The following EEPD1 variants were observed in gnomAD, a reference collection of about 807,000 sequenced individuals.
The protein encoded by EEPD1 is endonuclease/exonuclease/phosphatase family domain containing 1.
Under a neutral mutation model 46.3 loss-of-function variants are expected in EEPD1, and 17 were observed. The ratio of observed to expected loss-of-function variants is 0.37; its 90% confidence interval spans 0.25 to 0.55. The LOEUF is 0.55. Among genes scored for constraint, EEPD1 ranks in the 20% least tolerant of loss-of-function variants. The pLI, the probability that EEPD1 is intolerant of heterozygous loss-of-function variation, is 0.83. For missense variants in EEPD1, 673 were observed against 745.6 expected (o/e 0.90, Z 1.13); for synonymous variants, 313 against 315.6 (o/e 0.99, Z 0.09).
intron 6 of EEPD1, 76 bp downstream of exon 6, chr7:36,287,853 G>A: frequency 1.3e-6 from 2 of 1,557,180 alleles, no homozygotes; most frequent in Non-Finnish European, 1.7e-6. Flanking sequence ...AGCCATCTCT[G>A]ACCACTTGGG....
rs180811132 is a variant in EEPD1 at position 36,193,831 on chromosome 7, C to T, written c.878+38629C>T. ...GCCCTCTCTTTATGGCTGCCACCTC[C>T]CTCTGGGAGGGCCTGGGGGACCCTG... On this transcript the variant is annotated intron_variant, in intron 2 of 7. Coordinates refer to ENST00000242108, the MANE Select transcript of EEPD1 (RefSeq NM_030636.3). The surrounding 1 kb of genome is among the most constrained non-coding windows in gnomAD (Gnocchi z 4.9). Among the ~76,000 whole-genome samples the T allele has an allele frequency of 5.9e-4, 90 of 152,246 alleles. 1 individual carries two copies. In the East Asian group the frequency reaches 0.013, roughly 22 times the overall value.
intron 6 of EEPD1, among the ~76,000 whole-genome samples, chr7:36,295,476 A>C (rs1445465740): frequency 1.3e-5 from 2 of 152,228 alleles, no homozygotes; most frequent in African/African-American, 4.8e-5. Context: ...GAAGAGATCC[A>C]TCCCTTGTGC....
chr7:36,297,445 T>TC (rs1787546019), intron 7 of EEPD1, among the ~76,000 whole-genome samples: 1 of 152,168 alleles, frequency 6.6e-6, no homozygotes. Context: ...CAAATATACC[T>TC]CCTGCTGCTT....
At chr7:36,295,400 A>G (rs1787507560) in intron 6 of EEPD1, among the ~76,000 whole-genome samples, 1 of 152,180 alleles carries the variant, frequency 6.6e-6, no homozygotes, top group African/African-American at 2.4e-5. Flanking sequence ...CCTGACTTAT[A>G]CCTCATAAGT....
intron 2 of EEPD1, among the ~76,000 whole-genome samples, chr7:36,188,021 C>T (rs547537842): frequency 4.3e-5 from 6 of 139,616 alleles, no homozygotes; most frequent in African/African-American, 2.0e-4. Context: ...TGGTCTTGAA[C>T]ACTTGTCCTC....
intron 2 of EEPD1, among the ~76,000 whole-genome samples, chr7:36,176,205 C>T (rs1265872126): frequency 6.6e-6 from 1 of 152,152 alleles, no homozygotes; most frequent in African/African-American, 2.4e-5. Context: ...TGAGAAAGGC[C>T]CCTGGGAAGG....
chr7:36,240,906 C>T (rs1316507149), intron 3 of EEPD1, among the ~76,000 whole-genome samples: 4 of 152,126 alleles, frequency 2.6e-5, no homozygotes, highest in African/African-American at 9.7e-5. Flanking sequence ...TAGGAATTAA[C>T]ACAGGAGTAT....
chr7:36,257,220 G>A (rs1284230281), intron 3 of EEPD1, among the ~76,000 whole-genome samples: 1 of 151,914 alleles, frequency 6.6e-6, no homozygotes, highest in Non-Finnish European at 1.5e-5. Context: ...CCCTTTGTGG[G>A]TAACCTGATC....
chr7:36,156,750 A>T (rs543337781), intron 2 of EEPD1, among the ~76,000 whole-genome samples: 2 of 152,058 alleles, frequency 1.3e-5, no homozygotes, highest in Non-Finnish European at 2.9e-5. Flanking sequence ...CTGACTCAGA[A>T]ACTTTGTTTC....
intron 4 of EEPD1, among the ~76,000 whole-genome samples, chr7:36,282,459 C>G (rs1473080954): frequency 6.6e-6 from 1 of 152,214 alleles, no homozygotes; most frequent in East Asian, 1.9e-4. Context: ...CCTGGCCCCT[C>G]CCGCAGGGAG....
intron 2 of EEPD1, among the ~76,000 whole-genome samples, chr7:36,170,056 C>A (rs1191504043): frequency 1.3e-5 from 2 of 152,208 alleles, no homozygotes; most frequent in Admixed American, 1.3e-4. Context: ...TGAAGGAACA[C>A]CTTCCATAGA....
At chr7:36,244,795 C>G (rs561995416) in intron 3 of EEPD1, among the ~76,000 whole-genome samples, 1 of 121,244 alleles carries the variant, frequency 8.2e-6, no homozygotes, top group Non-Finnish European at 1.7e-5. Flanking sequence ...TTTTTGGAGA[C>G]GGAGTCTTGC....
chr7:36,299,146 T>C lies in EEPD1; in HGVS notation c.1650T>C (p.Pro550=). Residue 550 remains proline, a synonymous_variant, in exon 8 of 8, where the codon CCT becomes CCC. Coordinates refer to ENST00000242108, the MANE Select transcript of EEPD1 (RefSeq NM_030636.3). ...AGGACTGGAGCAAGAAGGATGCCCCTCGGAACGGCAGCGGGGTGGCCTTGG... is the reference window on the plus strand; with the variant it reads ...AGGACTGGAGCAAGAAGGATGCCCCCCGGAACGGCAGCGGGGTGGCCTTGG... ...TEKDWSKKDA[P]RNGSGVALER... is the part of the protein sequence containing the mutation. 1 of 1,611,566 alleles carries C rather than the reference T, an allele frequency of 6.2e-7. No homozygotes were observed. The highest frequency in any genetic ancestry group is 8.5e-7 in the Non-Finnish European group (1 of 1,178,000).
chr7:36,236,602 C>A (rs1786448127), intron 2 of EEPD1, among the ~76,000 whole-genome samples: 1 of 152,194 alleles, frequency 6.6e-6, no homozygotes, highest in African/African-American at 2.4e-5. Context: ...GGCTGGGCTT[C>A]TGAGAGGTGG....
intron 2 of EEPD1, chr7:36,230,985 G>A (rs1451282099): frequency 1.3e-5 from 2 of 152,350 alleles, no homozygotes; most frequent in South Asian, 2.1e-4. Context: ...GGGAGCCAGG[G>A]TGAATCCTGA....
At chr7:36,163,349 C>T (rs1421282654) in intron 2 of EEPD1, among the ~76,000 whole-genome samples, 1 of 151,850 alleles carries the variant, frequency 6.6e-6, no homozygotes, top group African/African-American at 2.4e-5. Flanking sequence ...TCATGTCCCT[C>T]TACTCTCCCT....
chr7:36,191,414 G>A (rs751180251), intron 2 of EEPD1, among the ~76,000 whole-genome samples: 14 of 152,158 alleles, frequency 9.2e-5, no homozygotes, highest in Non-Finnish European at 1.8e-4. Flanking sequence ...GGGAGAGGAC[G>A]AGGCTCAGAT....
rs574022329 is a variant in EEPD1, at chr7:36,195,648, TTAGA to T, written c.878+40450_878+40453del. Among the ~76,000 whole-genome samples the T allele has an allele frequency of 1.2e-3, 183 of 152,178 alleles. 2 individuals are homozygous for T. The highest frequency in any genetic ancestry group is 3.4e-3 in the Middle Eastern group (1 of 292). ...TCAGTCAAAGGATACAAAATTTCAGTTAGATAGGAGGGATAAGTTCAGGAGATCT... is the reference window on the plus strand; with the variant it reads ...TCAGTCAAAGGATACAAAATTTCAGTTAGGAGGGATAAGTTCAGGAGATCT... On this transcript the variant is annotated intron_variant, in intron 2 of 7. Coordinates refer to ENST00000242108, the MANE Select transcript of EEPD1 (RefSeq NM_030636.3).
chr7:36,191,269 T>C (rs1299584532), intron 2 of EEPD1, among the ~76,000 whole-genome samples: 1 of 152,212 alleles, frequency 6.6e-6, no homozygotes, highest in African/African-American at 2.4e-5. Context: ...GACAAGTAGA[T>C]AGGTTAGCCT....
Sources: allele counts gnomAD v4.1 joint callset (sites outside exome capture counted in the v4.1 genomes callset), GRCh38; gene constraint gnomAD v4.1.1; non-coding constraint Gnocchi (gnomAD v3.1); transcripts MANE v1.5; gene names NCBI Gene and HGNC (gene_info 2026-07-23, HGNC 2026-07-21).